Variants in ULK4 observed in about 807,000 individuals in gnomAD.
ULK4 encodes the protein unc-51 like kinase 4.
In ULK4, 133 loss-of-function variants were observed where a neutral mutation model predicts 160.6. The observed-to-expected ratio is 0.83, with a 90% CI of 0.72 to 0.96. ULK4 has a LOEUF of 0.96. ULK4 is among the 40% of genes least tolerant of loss of function. The pLI is 0.00. For synonymous variants in ULK4, 534 were observed against 539.8 expected (o/e 0.99, Z 0.15); for missense variants, 1,580 against 1,499.5 (o/e 1.05, Z -0.89).
chr3:41,689,750 C>T (rs965230977), intron 27 of ULK4, among the ~76,000 whole-genome samples: 5 of 152,176 alleles, frequency 3.3e-5, no homozygotes, highest in Non-Finnish European at 4.4e-5. Flanking sequence ...GATACCATCT[C>T]ACACCAGTTA....
At chr3:41,314,625 A>T (rs976970480) in intron 35 of ULK4, among the ~76,000 whole-genome samples, 1 of 152,234 alleles carries the variant, frequency 6.6e-6, no homozygotes, top group East Asian at 1.9e-4. Context: ...TTCCAAACAA[A>T]TAATGGTAGT....
At chr3:41,716,216 AAAT>A (rs61340837) in intron 23 of ULK4, among the ~76,000 whole-genome samples, 7,845 of 139,142 alleles carry the variant, frequency 0.056, 232 homozygotes, top group Middle Eastern at 0.086. Context: ...CTGTCTCACA[AAAT>A]AATAATAATA....
At chr3:41,868,787 G>C (rs1341359133) in intron 17 of ULK4, among the ~76,000 whole-genome samples, 1 of 151,844 alleles carries the variant, frequency 6.6e-6, no homozygotes, top group Non-Finnish European at 1.5e-5. Flanking sequence ...GTGAGCCACT[G>C]GACCAGCTAG....
intron 27 of ULK4, among the ~76,000 whole-genome samples, chr3:41,685,944 T>C (rs1363937225): frequency 6.6e-6 from 1 of 152,164 alleles, no homozygotes; most frequent in Admixed American, 6.5e-5. Flanking sequence ...TTGAATAACA[T>C]AATTCAAAAA....
At chr3:41,909,606 T>C (rs1392721155) in intron 11 of ULK4, among the ~76,000 whole-genome samples, 1 of 151,730 alleles carries the variant, frequency 6.6e-6, no homozygotes, top group African/African-American at 2.4e-5. Flanking sequence ...TCCCAACCAC[T>C]TGGGAGGCTG....
intron 32 of ULK4, among the ~76,000 whole-genome samples, chr3:41,491,914 A>G (rs1342987643): frequency 7.4e-6 from 1 of 135,106 alleles, no homozygotes; most frequent in Non-Finnish European, 1.5e-5. Context: ...CCAGAGTATG[A>G]TGTTCCCCTT....
intron 35 of ULK4, among the ~76,000 whole-genome samples, chr3:41,323,074 ATTACAGGC>A (rs2080274021): frequency 6.6e-6 from 1 of 151,968 alleles, no homozygotes; most frequent in Non-Finnish European, 1.5e-5. Context: ...AGTAGCTGGG[ATTACAGGC>A]GTGCACCACC....
chr3:41,621,063 T>C (rs544767980), intron 30 of ULK4, among the ~76,000 whole-genome samples: 1 of 152,216 alleles, frequency 6.6e-6, no homozygotes, highest in South Asian at 2.1e-4. Flanking sequence ...ACAAGGGATG[T>C]GAAGGACCTC....
chr3:41,446,333 C>G (rs940348611), intron 34 of ULK4, among the ~76,000 whole-genome samples: 1 of 152,094 alleles, frequency 6.6e-6, no homozygotes, highest in Non-Finnish European at 1.5e-5. Flanking sequence ...CCTCAGGGAT[C>G]TAGAACTAGA....
rs147650402 is a variant in ULK4 at position 41,824,243 on chromosome 3, G to A, written c.1765-4737C>T. 6.7e-4 allele frequency among the ~76,000 whole-genome samples: 101 copies of A among 151,414 alleles called. 1 individual carries two copies. Among genetic ancestry groups the A allele is most frequent in the African/African-American group, 2.2e-3 (92 of 41,192 alleles). On this transcript the variant is annotated intron_variant, in intron 18 of 36. Coordinates refer to ENST00000301831, the MANE Select transcript of ULK4 (RefSeq NM_017886.4). ...GTCTACAGCTCCCAGCATGAGCGAT[G>A]CAGACGATGGGTGATTTCTGCATTT...
At chr3:41,613,006 CA>C (rs1438161495) in intron 31 of ULK4, among the ~76,000 whole-genome samples, 2 of 152,266 alleles carry the variant, frequency 1.3e-5, no homozygotes, top group African/African-American at 4.8e-5. Context: ...CTAAATGAAT[CA>C]AATGATGTTT....
intron 32 of ULK4, among the ~76,000 whole-genome samples, chr3:41,557,829 T>C (rs1257524636): frequency 6.6e-6 from 1 of 151,892 alleles, no homozygotes; most frequent in Admixed American, 6.6e-5. Flanking sequence ...GGTGGAAAAG[T>C]CCTCATTTCT....
chr3:41,414,198 T>C (rs1166110845), intron 34 of ULK4, among the ~76,000 whole-genome samples: 1 of 152,076 alleles, frequency 6.6e-6, no homozygotes, highest in Non-Finnish European at 1.5e-5. Context: ...CGAAATTCCA[T>C]CTCAAAAACA....
At chr3:41,299,433 C>T (rs1197565203) in intron 35 of ULK4, among the ~76,000 whole-genome samples, 2 of 152,154 alleles carry the variant, frequency 1.3e-5, no homozygotes, top group African/African-American at 4.8e-5. Flanking sequence ...TTCAGGTATT[C>T]CAAATCTCAC....
At chr3:41,495,695 T>G (rs1047633696) in intron 32 of ULK4, among the ~76,000 whole-genome samples, 1 of 151,470 alleles carries the variant, frequency 6.6e-6, no homozygotes, top group African/African-American at 2.4e-5. Context: ...AAAGGGCTAA[T>G]ATCCAGAATC....
intron 35 of ULK4, among the ~76,000 whole-genome samples, chr3:41,276,275 A>G (rs1352955165): frequency 6.6e-6 from 1 of 152,256 alleles, no homozygotes; most frequent in Non-Finnish European, 1.5e-5. Context: ...TCCTTTCTTC[A>G]GAGCTCTGAG....
At chr3:41,747,497 A>G (rs1467705839) in intron 22 of ULK4, among the ~76,000 whole-genome samples, 10 of 150,296 alleles carry the variant, frequency 6.7e-5, no homozygotes, top group Non-Finnish European at 4.4e-5. Flanking sequence ...AGAAAATGGT[A>G]GTTAGGAATT....
chr3:41,953,304 A>ATT (rs60007502), intron 2 of ULK4, among the ~76,000 whole-genome samples: 80 of 124,798 alleles, frequency 6.4e-4, no homozygotes, highest in African/African-American at 2.0e-3. Flanking sequence ...ATATATATAT[A>ATT]TTTTTTTTTT....
chr3:41,599,020 G>A (rs1172274717), intron 31 of ULK4, among the ~76,000 whole-genome samples: 1 of 152,132 alleles, frequency 6.6e-6, no homozygotes, highest in African/African-American at 2.4e-5. Flanking sequence ...TTTGCCTGTG[G>A]CACCCTTCCA....
Sources: allele counts gnomAD v4.1 joint callset (sites outside exome capture counted in the v4.1 genomes callset), GRCh38; gene constraint gnomAD v4.1.1; transcripts MANE v1.5; gene names NCBI Gene and HGNC (gene_info 2026-07-23, HGNC 2026-07-21).